The following PLA2G4D variants were observed in gnomAD, a reference collection of about 807,000 sequenced individuals.
The protein encoded by PLA2G4D is cytosolic phospholipase A2 delta.
In PLA2G4D, 80 loss-of-function variants were observed where a neutral mutation model predicts 94.4. That is an observed-to-expected ratio of 0.85 (90% CI 0.71 to 1.02). The LOEUF (loss-of-function observed/expected upper bound fraction) is 1.02. Among genes scored for constraint, PLA2G4D ranks in the 50% least tolerant of loss-of-function variants. The pLI, the probability that PLA2G4D is intolerant of heterozygous loss-of-function variation, is 0.00. For synonymous variants in PLA2G4D, 438 were observed against 440.9 expected (o/e 0.99, Z 0.08); for missense variants, 1,050 against 1,034.7 (o/e 1.01, Z -0.20).
chr15:42,073,608 C>T (rs1179468659), intron 13 of PLA2G4D, among the ~76,000 whole-genome samples: 1 of 152,188 alleles, frequency 6.6e-6, no homozygotes. Flanking sequence ...TCTAGAGGCT[C>T]CCAACCTGCC....
Position 42,071,239 on chromosome 15 carries a change from T to C in PLA2G4D, c.1760A>G (p.Gln587Arg). 6.2e-7 allele frequency: 1 copy of C among 1,613,036 alleles called. No individual in the cohort carries two copies. ...GCCTGTCAGGAAGCCTTTAAATGCC[T>C]GGGCCAGCGCCGTGCCTGGCTGCAG... The part of the protein sequence containing the change: ...SWLQPGTALA[Q>R]AFKGFLTGRP... Residue 587 changes from glutamine (Q) to arginine (R), a missense_variant, in exon 17 of 20, where the codon CAG becomes CGG. Transcript: ENST00000290472.
At chr15:42,089,989 A>T (rs1443010821) in intron 1 of PLA2G4D, among the ~76,000 whole-genome samples, 2 of 152,054 alleles carry the variant, frequency 1.3e-5, no homozygotes, top group Non-Finnish European at 2.9e-5. Flanking sequence ...GATTCTCTTC[A>T]CCTCTAAGAT....
intron 17 of PLA2G4D, 47 bp downstream of exon 17, chr15:42,071,076 C>T: frequency 1.3e-6 from 2 of 1,589,436 alleles, no homozygotes; most frequent in Non-Finnish European, 1.7e-6. Context: ...CCACACCACC[C>T]AGAGGCCCAA....
Position 42,079,766 on chromosome 15 carries a change from G to A in PLA2G4D, c.1095-7C>T, listed in dbSNP as rs1387496623. 1.9e-6 allele frequency: 3 copies of A among 1,597,132 alleles called. No individual in the cohort carries two copies. The highest frequency in any genetic ancestry group is 1.8e-5 in the Admixed American group (1 of 56,242). Reference sequence around the variant, plus strand: ...GTACAGGTGGGCCATTGTCCTGGAAGAACGAGGGGACAGAACAGTAGGAGC... The same window carrying A: ...GTACAGGTGGGCCATTGTCCTGGAAAAACGAGGGGACAGAACAGTAGGAGC... On this transcript the variant is annotated splice_polypyrimidine_tract_variant and splice_region_variant and intron_variant, in intron 12 of 19. Coordinates refer to ENST00000290472, the MANE Select transcript of PLA2G4D (RefSeq NM_178034.4).
intron 17 of PLA2G4D, 39 bp from the exon 18 acceptor site, chr15:42,070,922 G>A (rs1453996489): frequency 6.3e-7 from 1 of 1,591,374 alleles, no homozygotes; most frequent in Non-Finnish European, 8.6e-7. Flanking sequence ...CCACCACCCT[G>A]CCACAGGTCA....
At position 42,072,361 on chromosome 15, in the gene PLA2G4D, G is replaced by T; in HGVS notation, c.1349C>A (p.Ala450Asp). 6.2e-7 allele frequency: 1 copy of T among 1,613,322 alleles called. No homozygotes were observed. The highest frequency in any genetic ancestry group is 8.5e-7 in the Non-Finnish European group (1 of 1,179,962). Residue 450 changes from alanine (A) to aspartate (D), a missense_variant, in exon 14 of 20, where the codon GCC becomes GAC. Physicochemically the swap from Ala to Asp is moderately radical, Grantham distance 126 (BLOSUM62 -2). Transcript: ENST00000290472. ...AGGGTTCTGACCCCGTTCCAGGGCG[G>T]CTCTCTGTCCTGACAGCTTCTGATC... Reference protein sequence around the residue: ...VMDQKLSGQRAALERGQNPLP... With the variant: ...VMDQKLSGQRDALERGQNPLP...
rs1366225843 is a variant in PLA2G4D at position 42,085,112 on chromosome 15, G to A, written c.455C>T (p.Thr152Ile). Residue 152 changes from threonine to isoleucine, a missense_variant, in exon 6 of 20, where the codon ACC (threonine) becomes ATC (isoleucine). By Grantham distance (89) the Thr-to-Ile change is moderately conservative. Coordinates refer to ENST00000290472, the MANE Select transcript of PLA2G4D (RefSeq NM_178034.4). Reference sequence around the variant, plus strand: ...GGTGCTTACCACAATGACTTTGTTGGTGATGAGGTTTTCTGGGCGATCTGA... The same window carrying A: ...GGTGCTTACCACAATGACTTTGTTGATGATGAGGTTTTCTGGGCGATCTGA... The part of the protein sequence containing the change: ...ETSDRPENLI[T>I]NKVIVARELS... 6.2e-7 allele frequency: 1 copy of A among 1,614,180 alleles called. No homozygotes were observed. Among genetic ancestry groups the A allele is most frequent in the East Asian group, 2.2e-5 (1 of 44,876 alleles).
At chr15:42,076,321 C>T (rs1889925879) in intron 13 of PLA2G4D, among the ~76,000 whole-genome samples, 1 of 151,782 alleles carries the variant, frequency 6.6e-6, no homozygotes, top group African/African-American at 2.4e-5. Flanking sequence ...GATTAAAGTC[C>T]TATTAGTAAG....
chr15:42,093,666 C>T (rs1484123371), intron 1 of PLA2G4D, among the ~76,000 whole-genome samples: 3 of 152,196 alleles, frequency 2.0e-5, no homozygotes, highest in East Asian at 1.9e-4. Context: ...GAGCCTCTTC[C>T]AGGAGCACCA....
chr15:42,069,342 T>C (rs1889755398), intron 19 of PLA2G4D, among the ~76,000 whole-genome samples: 1 of 152,010 alleles, frequency 6.6e-6, no homozygotes, highest in African/African-American at 2.4e-5. Context: ...TTCTCAGATG[T>C]GGGCTGAGCA....
At chr15:42,070,621 C>T in intron 18 of PLA2G4D, 96 bp downstream of exon 18, 1 of 1,374,216 alleles carries the variant, frequency 7.3e-7, no homozygotes, top group South Asian at 1.4e-5. Context: ...CCTTCGGGAC[C>T]CCGGCGGTGT....
At chr15:42,086,182 C>T in intron 4 of PLA2G4D, 31 bp downstream of exon 4, 2 of 1,500,302 alleles carry the variant, frequency 1.3e-6, no homozygotes, top group Non-Finnish European at 1.8e-6. Flanking sequence ...AGAAGTGGGG[C>T]CCACGGGGAC....
rs113792982 is a variant in PLA2G4D at position 42,069,891 on chromosome 15, T to C, written c.2230+18A>G. The C allele has an allele frequency of 0.1, 146,209 of 1,396,314 alleles. 8,445 individuals carry two copies. Among genetic ancestry groups the C allele is most frequent in the Non-Finnish European group, 0.12 (126,159 of 1,074,548 alleles). 86.5% of individuals were successfully genotyped at this position (1,396,314 alleles called of 1,614,324 possible). A position where few individuals can be genotyped will look rare whatever the true frequency, so the allele number is the denominator to read the frequency against. ...TGAGGGGCCAGGCAGCCTGGGTGCT[T>C]GGGAGGGGCTGCCTCACCGGGGGCT... On this transcript the variant is annotated intron_variant, in intron 19 of 19. Transcript: ENST00000290472.
Position 42,072,401 on chromosome 15 carries a change from A to G in PLA2G4D, c.1318-9T>C. ...AGCTTCTGATCCATCACCTGGGGCC[A>G]GAGGGCATCAGGGCCTAAGTGAGGC... On this transcript the variant is annotated splice_polypyrimidine_tract_variant and intron_variant, in intron 13 of 19. Coordinates refer to ENST00000290472, the MANE Select transcript of PLA2G4D (RefSeq NM_178034.4). The G allele has an allele frequency of 6.2e-7, 1 of 1,607,092 alleles. No homozygotes were observed. The highest frequency in any genetic ancestry group is 1.1e-5 in the South Asian group (1 of 90,842).
intron 4 of PLA2G4D, among the ~76,000 whole-genome samples, 180 bp downstream of exon 4, chr15:42,086,033 G>A (rs551011106): frequency 1.4e-4 from 22 of 152,272 alleles, no homozygotes; most frequent in Non-Finnish European, 2.8e-4. Context: ...GATTCAGCCT[G>A]TAACTGTAAA....
At position 42,068,686 on chromosome 15, in the gene PLA2G4D, C is replaced by A; in HGVS notation, c.*29G>T. 6.4e-7 allele frequency: 1 copy of A among 1,573,870 alleles called. No homozygotes were observed. Among genetic ancestry groups the A allele is most frequent in the South Asian group, 1.2e-5 (1 of 86,614 alleles). On this transcript the variant is annotated 3_prime_UTR_variant, in exon 20 of 20. Coordinates refer to ENST00000290472, the MANE Select transcript of PLA2G4D (RefSeq NM_178034.4). ...ACAGATCAGGTTATGCCCGCAGGCCCTGGAGGGTCCTGCAGCCTCTGAGCA... is the reference window on the plus strand; with the variant it reads ...ACAGATCAGGTTATGCCCGCAGGCCATGGAGGGTCCTGCAGCCTCTGAGCA...
intron 12 of PLA2G4D, among the ~76,000 whole-genome samples, chr15:42,080,357 TAA>T (rs1890014050): frequency 6.6e-6 from 1 of 152,184 alleles, no homozygotes; most frequent in Non-Finnish European, 1.5e-5. Flanking sequence ...CGCATTTCAA[TAA>T]GACTCAAAGG....
Position 42,084,959 on chromosome 15 carries a change from G to T in PLA2G4D, c.471+137C>A. 1.1e-6 allele frequency: 1 copy of T among 952,132 alleles called. No homozygotes were observed. Among genetic ancestry groups the T allele is most frequent in the Non-Finnish European group, 1.6e-6 (1 of 622,190 alleles). The allele number at this position is 952,132 out of a possible 1,614,324, so 59.0% of individuals were successfully genotyped here. ...ACCCACAGCCACAGGTGACCACCTG[G>T]CTGGAAGGCTAGGGGTGGTTTTACC... On this transcript the variant is annotated intron_variant, in intron 6 of 19. Transcript: ENST00000290472. The surrounding 1 kb of genome is among the most constrained non-coding windows in gnomAD (Gnocchi z 4.8).
intron 1 of PLA2G4D, 32 bp downstream of exon 1, chr15:42,094,383 C>T: frequency 1.9e-6 from 3 of 1,613,420 alleles, no homozygotes; most frequent in Non-Finnish European, 1.7e-6. Flanking sequence ...CCTGCCCTGA[C>T]TGGTGCCCAC....
Sources: allele counts gnomAD v4.1 joint callset (sites outside exome capture counted in the v4.1 genomes callset), GRCh38; gene constraint gnomAD v4.1.1; non-coding constraint Gnocchi (gnomAD v3.1); transcripts MANE v1.5; gene names NCBI Gene and HGNC (gene_info 2026-07-23, HGNC 2026-07-21).